The following SAMD9 variants were observed in gnomAD, a reference collection of about 807,000 sequenced individuals.
SAMD9 encodes the protein sterile alpha motif domain-containing protein 9.
In SAMD9, 3 loss-of-function variants were observed where a neutral mutation model predicts 1.5. The observed-to-expected ratio is 2.05, with a 90% CI of 0.93 to 5.29. SAMD9 has a LOEUF of 5.29. Ranked by LOEUF, SAMD9 falls within the 30% of genes most tolerant of loss-of-function variation. The pLI is 0.02. For missense variants in SAMD9, 1,597 were observed against 1,820.8 expected (o/e 0.88, Z 2.24); for synonymous variants, 635 against 631.9 (o/e 1.00, Z -0.07).
At chr7:93,115,851 T>G (rs1791824213) in intron 1 of SAMD9, among the ~76,000 whole-genome samples, 1 of 152,244 alleles carries the variant, frequency 6.6e-6, no homozygotes, top group Non-Finnish European at 1.5e-5. Flanking sequence ...TTATGAACTT[T>G]TGACTTCTGC....
chr7:93,106,158 A>G (rs1791641669), intron 2 of SAMD9, 53 bp from the exon 3 acceptor site: 6 of 1,279,564 alleles, frequency 4.7e-6, no homozygotes, highest in Non-Finnish European at 6.4e-6. Flanking sequence ...AAAATTTTGA[A>G]ACAATTTTAG....
chr7:93,112,181 A>G (rs538425350), intron 2 of SAMD9, among the ~76,000 whole-genome samples: 25 of 152,338 alleles, frequency 1.6e-4, no homozygotes, highest in African/African-American at 6.0e-4. Context: ...AATCCATCAT[A>G]TAAACAGAAC....
intron 2 of SAMD9, among the ~76,000 whole-genome samples, chr7:93,108,572 G>A (rs757500631): frequency 6.6e-6 from 1 of 152,080 alleles, no homozygotes; most frequent in Non-Finnish European, 1.5e-5. Flanking sequence ...CATGACTGAC[G>A]GTACTTGGAA....
In SAMD9 at chr7:93,104,004, A is replaced by T. The variant is rs1275428266; in HGVS notation, c.2094T>A (p.Ser698=). ...TGACAAAAGGTGAAGAATAACTTTC[A>T]GAAGAGAAGTAGAAGTTCCACCATG... ...KVSWWNFYFS[S]ESYSSPFVKR... Residue 698 remains serine (S), a synonymous_variant, in exon 3 of 3, where the codon TCT becomes TCA. Coordinates refer to ENST00000379958, the MANE Select transcript of SAMD9 (RefSeq NM_017654.4). 1 of 1,613,926 alleles carries T rather than the reference A, an allele frequency of 6.2e-7. No homozygotes were observed. Among genetic ancestry groups the T allele is most frequent in the Non-Finnish European group, 8.5e-7 (1 of 1,179,830 alleles).
chr7:93,108,735 C>T (rs551498374), intron 2 of SAMD9, among the ~76,000 whole-genome samples: 77 of 152,306 alleles, frequency 5.1e-4, no homozygotes, highest in African/African-American at 1.3e-3. Context: ...AACTGCAAGG[C>T]GGCAGCAAGC....
chr7:93,116,472 C>T (rs1028767681), intron 1 of SAMD9, among the ~76,000 whole-genome samples: 2 of 152,110 alleles, frequency 1.3e-5, no homozygotes, highest in African/African-American at 4.8e-5. Context: ...ACTTCTTCCC[C>T]TAAAGCTTTT....
chr7:93,117,354 C>A (rs1170395786), intron 1 of SAMD9, among the ~76,000 whole-genome samples: 2 of 152,108 alleles, frequency 1.3e-5, no homozygotes, highest in Admixed American at 6.6e-5. Context: ...TTACAGCTCA[C>A]TGTAACCTTA....
chr7:93,102,445 T>A lies in SAMD9; in HGVS notation c.3653A>T (p.Asp1218Val), dbSNP rs1233759063. The A allele has an allele frequency of 6.2e-7, 1 of 1,613,522 alleles. No homozygotes were observed. Among genetic ancestry groups the A allele is most frequent in the South Asian group, 1.1e-5 (1 of 91,072 alleles). Residue 1218 changes from aspartate to valine, a missense_variant, in exon 3 of 3, where the codon GAT becomes GTT. Physicochemically the swap from Asp to Val is radical, Grantham distance 152 (BLOSUM62 -3). Transcript: ENST00000379958. Reference sequence around the variant, plus strand: ...TCTTTTAGATAGCTCATTTTTATTATCAAAAAAAGGAATGAGCTGGAGAAT... The same window carrying A: ...TCTTTTAGATAGCTCATTTTTATTAACAAAAAAAGGAATGAGCTGGAGAAT... ...IQILQLIPFF[D>V]NKNELSKRYM...
At position 93,105,849 on chromosome 7, in the gene SAMD9, A is replaced by G. The variant is rs1791632083; in HGVS notation, c.249T>C (p.Ile83=). The change falls in exon 3 of 3, where the codon ATT becomes ATC. Residue 83 remains isoleucine, a synonymous_variant. Coordinates refer to ENST00000379958, the MANE Select transcript of SAMD9 (RefSeq NM_017654.4). ...TGGGCTTTCCCATCTTAGATGTCTG[A>G]ATCGAATCTTCAATGGCTGTTTTCC... ...ELRKTAIEDS[I]QTSKMGKPSK... 4 of 1,614,184 alleles carry G rather than the reference A, an allele frequency of 2.5e-6. No individual in the cohort carries two copies. The highest frequency in any genetic ancestry group is 3.4e-6 in the Non-Finnish European group (4 of 1,180,020).
At position 93,102,164 on chromosome 7, in the gene SAMD9, C is replaced by T. The variant is rs1374287516; in HGVS notation, c.3934G>A (p.Glu1312Lys). The stretch of plus-strand genomic sequence containing the variant: ...CCAAGACCTGTGTTGTTTTGTGATT[C>T]TTCTAAGAGACAAAATATATCTACA... Reference protein sequence around the residue: ...KYVDIFCLLEESQNNTGLGSK... With the variant: ...KYVDIFCLLEKSQNNTGLGSK... The change falls in exon 3 of 3, where the codon GAA (glutamate) becomes AAA (lysine). Residue 1312 changes from glutamate (E) to lysine (K), a missense_variant. Physicochemically the swap from Glu to Lys is moderately conservative, Grantham distance 56. Around this residue, in one of 6 missense-constraint regions of SAMD9, gnomAD observed 682 missense variants for 810.0 expected, o/e 0.84. Transcript: ENST00000379958. 6.2e-7 allele frequency: 1 copy of T among 1,613,376 alleles called. No individual in the cohort carries two copies. The highest frequency in any genetic ancestry group is 1.3e-5 in the African/African-American group (1 of 74,872).
chr7:93,104,219 A>G lies in SAMD9; in HGVS notation c.1879T>C (p.Ser627Pro), dbSNP rs1226716184. Reference sequence around the variant, plus strand: ...ATAGATGGCAAAAGCCTTTTTGAAGATTGAGTCACAGATTTTAGTTTAAGA... The same window carrying G: ...ATAGATGGCAAAAGCCTTTTTGAAGGTTGAGTCACAGATTTTAGTTTAAGA... ...TILKLKSVTQ[S>P]SKRLLPSIGL... The change falls in exon 3 of 3, where the codon TCT (serine) becomes CCT (proline). Residue 627 changes from serine (S) to proline (P), a missense_variant. Around this residue, in one of 6 missense-constraint regions of SAMD9, gnomAD observed 358 missense variants for 460.4 expected, o/e 0.78. Transcript: ENST00000379958. 3 of 1,613,834 alleles carry G rather than the reference A, an allele frequency of 1.9e-6. No individual in the cohort carries two copies. Among genetic ancestry groups the G allele is most frequent in the South Asian group, 1.1e-5 (1 of 91,062 alleles).
rs1362565736 is a variant in SAMD9, at chr7:93,105,366, A to G, written c.732T>C (p.His244=). Residue 244 remains histidine (H), a synonymous_variant, in exon 3 of 3, where the codon CAT becomes CAC. Coordinates refer to ENST00000379958, the MANE Select transcript of SAMD9 (RefSeq NM_017654.4). ...TIHFGVKDKP[H]GKIVGIKVTN... Reference sequence around the variant, plus strand: ...TGACTTTGATGCCAACAATTTTCCCATGGGGTTTGTCTTTGACTCCAAAAT... The same window carrying G: ...TGACTTTGATGCCAACAATTTTCCCGTGGGGTTTGTCTTTGACTCCAAAAT... 4 of 1,613,840 alleles carry G rather than the reference A, an allele frequency of 2.5e-6. No individual in the cohort carries two copies. The African/African-American group carries it at 4.0e-5, about 16-fold the overall frequency.
chr7:93,109,574 A>C (rs1197628368), intron 2 of SAMD9, among the ~76,000 whole-genome samples: 1 of 152,212 alleles, frequency 6.6e-6, no homozygotes, highest in African/African-American at 2.4e-5. Flanking sequence ...GATTAGATGA[A>C]TGGCTAACTA....
chr7:93,103,523 G>T lies in SAMD9; in HGVS notation c.2575C>A (p.Pro859Thr), dbSNP rs765143310. 7 of 1,613,652 alleles carry T rather than the reference G, an allele frequency of 4.3e-6. No homozygotes were observed. In the South Asian group the frequency reaches 7.7e-5, roughly 18 times the overall value. Reference sequence around the variant, plus strand: ...AGCTCAAAAGCTCTCTGTTCTTTGGGAGAGAGTTGCTGTATTACGGCAATA... The same window carrying T: ...AGCTCAAAAGCTCTCTGTTCTTTGGTAGAGAGTTGCTGTATTACGGCAATA... ...DSIAVIQQLSPKEQRAFELKL... is the reference protein window; with the variant it reads ...DSIAVIQQLSTKEQRAFELKL... The change falls in exon 3 of 3, where the codon CCC becomes ACC. Residue 859 changes from proline to threonine, a missense_variant. By Grantham distance (38) the Pro-to-Thr change is conservative. Around this residue, in one of 6 missense-constraint regions of SAMD9, gnomAD observed 55 missense variants for 58.6 expected, o/e 0.94. Transcript: ENST00000379958.
chr7:93,109,458 C>T (rs1293936087), intron 2 of SAMD9, among the ~76,000 whole-genome samples: 1 of 151,440 alleles, frequency 6.6e-6, no homozygotes. Flanking sequence ...AGAATGACTT[C>T]TATGAGATGA....
chr7:93,105,939 A>G lies in SAMD9; in HGVS notation c.159T>C (p.His53=), dbSNP rs759744332. ...CATGTGTGATGCCCATATCAACAAG[A>G]TGTTCTTTTTTTAACCACTTCAAGA... The part of the protein sequence containing the change: ...GAVLKWLKKE[H]LVDMGITHGP... Residue 53 remains histidine, a synonymous_variant, in exon 3 of 3, where the codon CAT becomes CAC. Transcript: ENST00000379958. 5 of 1,611,842 alleles carry G rather than the reference A, an allele frequency of 3.1e-6. No homozygotes were observed. Among genetic ancestry groups the G allele is most frequent in the Non-Finnish European group, 3.4e-6 (4 of 1,178,990 alleles).
chr7:93,115,199 C>T (rs1791814328), intron 1 of SAMD9, among the ~76,000 whole-genome samples: 1 of 152,198 alleles, frequency 6.6e-6, no homozygotes, highest in African/African-American at 2.4e-5. Flanking sequence ...ACATGCCTAC[C>T]AGAATGGCTA....
intron 2 of SAMD9, among the ~76,000 whole-genome samples, chr7:93,110,103 G>T (rs529445431): frequency 2.0e-5 from 3 of 152,224 alleles, no homozygotes; most frequent in African/African-American, 7.2e-5. Context: ...ATTAACAGCA[G>T]ATCTCTTGGC....
chr7:93,102,499 T>G lies in SAMD9; in HGVS notation c.3599A>C (p.Glu1200Ala). 6.2e-7 allele frequency: 1 copy of G among 1,613,778 alleles called. No individual in the cohort carries two copies. The highest frequency in any genetic ancestry group is 8.5e-7 in the Non-Finnish European group (1 of 1,179,734). ...DTYNIAGYQG[E>A]IEVGLYTIQI... The stretch of plus-strand genomic sequence containing the variant: ...GATTGTGTAAAGCCCAACTTCTATC[T>G]CTCCTTGATAACCAGCTATATTGTA... The change falls in exon 3 of 3, where the codon GAG (glutamate) becomes GCG (alanine). Residue 1200 changes from glutamate (E) to alanine (A), a missense_variant. Glu to Ala is a moderately radical substitution (Grantham distance 107, BLOSUM62 -1). Around this residue, in one of 6 missense-constraint regions of SAMD9, gnomAD observed 682 missense variants for 810.0 expected, o/e 0.84. Coordinates refer to ENST00000379958, the MANE Select transcript of SAMD9 (RefSeq NM_017654.4).
Sources: gnomAD v4.1 joint callset for allele counts (sites outside exome capture counted in the v4.1 genomes callset) on GRCh38, gnomAD v4.1.1 for gene constraint, gnomAD v4.1.1 regional missense constraint, MANE v1.5 for transcripts, NCBI Gene and HGNC (gene_info 2026-07-23, HGNC 2026-07-21) for gene names.